Variants in CADM1 observed in about 807,000 individuals in gnomAD.
CADM1 encodes the protein cell adhesion molecule 1.
Under a neutral mutation model 53.1 loss-of-function variants are expected in CADM1, and 15 were observed. That is an observed-to-expected ratio of 0.28 (90% CI 0.19 to 0.44). The LOEUF (loss-of-function observed/expected upper bound fraction) is 0.44. Among genes scored for constraint, CADM1 ranks in the 20% least tolerant of loss-of-function variants. The pLI is 1.00. For missense variants in CADM1, 434 were observed against 611.3 expected, an observed-to-expected ratio of 0.71 and a Z score of 3.06; for synonymous variants, 281 against 243.0, an observed-to-expected ratio of 1.16 and a Z score of -1.45.
At chr11:115,383,615 C>T (rs145271691) in intron 1 of CADM1, among the ~76,000 whole-genome samples, 3 of 152,312 alleles carry the variant, frequency 2.0e-5, no homozygotes, top group African/African-American at 7.2e-5. Flanking sequence ...TGGCTAAGTA[C>T]AGCTGTAGAA....
intron 1 of CADM1, among the ~76,000 whole-genome samples, chr11:115,427,424 T>A (rs1947917832): frequency 6.6e-6 from 1 of 152,158 alleles, no homozygotes; most frequent in Admixed American, 6.6e-5. Context: ...TGTAGAATGA[T>A]GAGGACAGAA....
chr11:115,187,886 G>C (rs1029012435), intron 10 of CADM1, among the ~76,000 whole-genome samples: 1 of 152,114 alleles, frequency 6.6e-6, no homozygotes, highest in Non-Finnish European at 1.5e-5. Context: ...TTTCTTTTTT[G>C]GATCGTGAGG....
chr11:115,370,103 C>T (rs1946273407), intron 1 of CADM1, among the ~76,000 whole-genome samples: 1 of 152,162 alleles, frequency 6.6e-6, no homozygotes, highest in African/African-American at 2.4e-5. Context: ...TAAATAAGTT[C>T]TTGACACTTC....
chr11:115,217,031 G>A (rs999470414), intron 6 of CADM1, among the ~76,000 whole-genome samples: 6 of 152,244 alleles, frequency 3.9e-5, no homozygotes, highest in Non-Finnish European at 7.4e-5. Flanking sequence ...AAGTTTGAGC[G>A]TCCTTAATCC....
At chr11:115,255,424 A>G (rs894430474) in intron 1 of CADM1, among the ~76,000 whole-genome samples, 1 of 152,204 alleles carries the variant, frequency 6.6e-6, no homozygotes, top group East Asian at 1.9e-4. Flanking sequence ...AAAAATGCAG[A>G]ATCTCAAACT....
intron 1 of CADM1, among the ~76,000 whole-genome samples, chr11:115,376,546 A>C (rs1946443049): frequency 6.6e-6 from 1 of 152,232 alleles, no homozygotes; most frequent in African/African-American, 2.4e-5. Flanking sequence ...AAAAAAGCTA[A>C]AATCAAAACA....
chr11:115,303,188 T>G (rs1944277681), intron 1 of CADM1, among the ~76,000 whole-genome samples: 2 of 152,046 alleles, frequency 1.3e-5, no homozygotes, highest in South Asian at 2.1e-4. Context: ...TCCTTTCTAG[T>G]GTAAACGTTC....
chr11:115,296,853 G>A (rs1384980052), intron 1 of CADM1, among the ~76,000 whole-genome samples: 2 of 152,094 alleles, frequency 1.3e-5, no homozygotes, highest in African/African-American at 4.8e-5. Context: ...TTAGAGTGTG[G>A]ACAGTATCTC....
At chr11:115,497,555 G>A (rs1291190955) in intron 1 of CADM1, among the ~76,000 whole-genome samples, 1 of 152,152 alleles carries the variant, frequency 6.6e-6, no homozygotes, top group Non-Finnish European at 1.5e-5. Context: ...CCAGCACTTG[G>A]AAGATCTTCA....
intron 1 of CADM1, chr11:115,256,982 C>T: frequency 2.3e-6 from 1 of 437,910 alleles, no homozygotes; most frequent in Non-Finnish European, 4.7e-6. Context: ...ATGCTTGTCA[C>T]ATTTAGAGTG....
chr11:115,438,783 G>T (rs1242864835), intron 1 of CADM1, among the ~76,000 whole-genome samples: 1 of 152,112 alleles, frequency 6.6e-6, no homozygotes, highest in Non-Finnish European at 1.5e-5. Context: ...GTCCCAACTG[G>T]TAAGTATCCA....
intron 1 of CADM1, among the ~76,000 whole-genome samples, chr11:115,328,704 A>ATATACATATATATACGTG (rs1420774252): frequency 2.6e-4 from 2 of 7,768 alleles, no homozygotes; most frequent in African/African-American, 4.6e-4. Flanking sequence ...ATATATATGT[A>ATATACATATATATACGTG]TATATATATG....
chr11:115,351,719 T>A (rs893781009), intron 1 of CADM1, among the ~76,000 whole-genome samples: 3 of 152,164 alleles, frequency 2.0e-5, no homozygotes, highest in Non-Finnish European at 4.4e-5. Flanking sequence ...ATTCTCTTAA[T>A]CAAAAATAGG....
At chr11:115,449,484 A>G (rs1199283512) in intron 1 of CADM1, among the ~76,000 whole-genome samples, 1 of 152,144 alleles carries the variant, frequency 6.6e-6, no homozygotes, top group Non-Finnish European at 1.5e-5. Flanking sequence ...TCCATTTTGC[A>G]CTTAAGGTCA....
chr11:115,267,405 G>C (rs1591655696), intron 1 of CADM1, among the ~76,000 whole-genome samples: 1 of 152,308 alleles, frequency 6.6e-6, no homozygotes, highest in Middle Eastern at 3.4e-3. Flanking sequence ...CGTATTCTCA[G>C]ACGAGGCCAG....
At chr11:115,246,579 CAT>C (rs1233352585) in intron 1 of CADM1, among the ~76,000 whole-genome samples, 7 of 152,184 alleles carry the variant, frequency 4.6e-5, no homozygotes, top group Non-Finnish European at 8.8e-5. Context: ...GGCCTGAAAT[CAT>C]ATGACAAGCA....
intron 1 of CADM1, among the ~76,000 whole-genome samples, chr11:115,286,869 A>C (rs988708321): frequency 3.9e-5 from 6 of 152,230 alleles, no homozygotes; most frequent in Non-Finnish European, 5.9e-5. Flanking sequence ...AAGAGGCTCC[A>C]AAAGAACAGA....
At chr11:115,207,509 G>A (rs534502411) in intron 8 of CADM1, among the ~76,000 whole-genome samples, 19 of 151,724 alleles carry the variant, frequency 1.3e-4, no homozygotes, top group Non-Finnish European at 2.1e-4. Context: ...ATTAAGAGCT[G>A]TGAACTGAAG....
At chr11:115,268,402 G>GC (rs1229822950) in intron 1 of CADM1, among the ~76,000 whole-genome samples, 2 of 152,086 alleles carry the variant, frequency 1.3e-5, no homozygotes, top group Non-Finnish European at 2.9e-5. Context: ...TTTCAGGCAA[G>GC]GAAAAAACCA....
Sources: allele counts gnomAD v4.1 joint callset (sites outside exome capture counted in the v4.1 genomes callset), GRCh38; gene constraint gnomAD v4.1.1; transcripts MANE v1.5; gene names NCBI Gene and HGNC (gene_info 2026-07-23, HGNC 2026-07-21).